The following ITPR2 variants were observed in gnomAD, a reference collection of about 807,000 sequenced individuals.
ITPR2 encodes inositol 1,4,5-trisphosphate receptor type 2.
In ITPR2, 207 loss-of-function variants were observed where a neutral mutation model predicts 317.1. That is an observed-to-expected ratio of 0.65 (90% CI 0.58 to 0.73). ITPR2 has a LOEUF of 0.73. Among genes scored for constraint, ITPR2 ranks in the 30% least tolerant of loss-of-function variants. ITPR2 has a pLI of 0.00. For synonymous variants in ITPR2, 1,156 were observed against 1,149.1 expected, an observed-to-expected ratio of 1.01 and a Z score of -0.12; for missense variants, 2,613 against 3,284.0, an observed-to-expected ratio of 0.80 and a Z score of 4.99.
chr12:26,569,631 T>C (rs1266517465), intron 34 of ITPR2, among the ~76,000 whole-genome samples: 1 of 150,630 alleles, frequency 6.6e-6, no homozygotes, highest in Non-Finnish European at 1.5e-5. Flanking sequence ...TTCTTAAAAA[T>C]GGTTACACAA....
chr12:26,578,186 C>A (rs1278573031), intron 34 of ITPR2, among the ~76,000 whole-genome samples: 1 of 146,488 alleles, frequency 6.8e-6, no homozygotes, highest in African/African-American at 2.4e-5. Context: ...CTCTCTCTCT[C>A]TCTCTCTCGA....
intron 48 of ITPR2, among the ~76,000 whole-genome samples, chr12:26,435,725 T>C (rs560283601): frequency 1.3e-5 from 2 of 152,308 alleles, no homozygotes; most frequent in South Asian, 4.1e-4. Flanking sequence ...CTGTTCACTT[T>C]TGAAACCTCA....
chr12:26,517,719 T>A (rs1363572520), intron 37 of ITPR2, among the ~76,000 whole-genome samples: 1 of 152,082 alleles, frequency 6.6e-6, no homozygotes, highest in African/African-American at 2.4e-5. Flanking sequence ...CTGCCTGTAA[T>A]CCCAGCTACT....
intron 34 of ITPR2, among the ~76,000 whole-genome samples, chr12:26,576,372 T>C (rs538671309): frequency 1.4e-4 from 21 of 152,328 alleles, no homozygotes; most frequent in African/African-American, 4.8e-4. Context: ...TTACGTTCTC[T>C]TTCTTTATTT....
chr12:26,742,488 T>C (rs983812638), intron 2 of ITPR2, among the ~76,000 whole-genome samples: 3 of 152,150 alleles, frequency 2.0e-5, no homozygotes, highest in Admixed American at 6.5e-5. Context: ...AAATATGATA[T>C]ATCCACATCT....
At chr12:26,394,364 G>C (rs116147276) in intron 54 of ITPR2, among the ~76,000 whole-genome samples, 101 of 152,332 alleles carry the variant, frequency 6.6e-4, no homozygotes, top group African/African-American at 2.4e-3. Flanking sequence ...AGTGTGATGT[G>C]AGGAATTTAG....
At chr12:26,824,728 A>C (rs572078085) in intron 1 of ITPR2, among the ~76,000 whole-genome samples, 30 of 152,354 alleles carry the variant, frequency 2.0e-4, no homozygotes, top group South Asian at 4.1e-4. Flanking sequence ...AATTGAAATT[A>C]AAATCATCTA....
chr12:26,775,349 G>C (rs373701215), intron 2 of ITPR2, among the ~76,000 whole-genome samples: 1 of 151,962 alleles, frequency 6.6e-6, no homozygotes, highest in Non-Finnish European at 1.5e-5. Context: ...AGTTTATTAG[G>C]CTAAAACAAA....
chr12:26,545,838 A>C (rs886461646), intron 37 of ITPR2, among the ~76,000 whole-genome samples: 1 of 152,192 alleles, frequency 6.6e-6, no homozygotes, highest in African/African-American at 2.4e-5. Flanking sequence ...AGAAGGACCA[A>C]TGGACAAAAT....
chr12:26,655,654 T>A, intron 20 of ITPR2, 54 bp downstream of exon 20: 1 of 1,357,084 alleles, frequency 7.4e-7, no homozygotes, highest in Non-Finnish European at 1.0e-6. Flanking sequence ...AATACCTTCA[T>A]GAACTAAACT....
At position 26,830,739 on chromosome 12, in the gene ITPR2, C is replaced by T. The variant is rs112115351; in HGVS notation, c.92+1951G>A. Among the ~76,000 whole-genome samples, 1,081 of 152,334 alleles carry T rather than the reference C, an allele frequency of 7.1e-3. 8 individuals carry two copies. The highest frequency in any genetic ancestry group is 0.024 in the African/African-American group (1,007 of 41,570). On this transcript the variant is annotated intron_variant, in intron 1 of 56. Transcript: ENST00000381340. Reference sequence around the variant, plus strand: ...TTCTTTTCTTTGTCTAGGTTTTATACTCTATTCCTAGTCCTTGTTATTATT... The same window carrying T: ...TTCTTTTCTTTGTCTAGGTTTTATATTCTATTCCTAGTCCTTGTTATTATT...
chr12:26,691,949 G>A (rs961019840), intron 10 of ITPR2, among the ~76,000 whole-genome samples: 5 of 151,920 alleles, frequency 3.3e-5, no homozygotes, highest in Non-Finnish European at 5.9e-5. Context: ...TTCTCTTGCC[G>A]AGGTTCCTTA....
At chr12:26,714,382 T>G (rs1317124704) in intron 8 of ITPR2, among the ~76,000 whole-genome samples, 1 of 152,196 alleles carries the variant, frequency 6.6e-6, no homozygotes, top group Admixed American at 6.5e-5. Context: ...CTTTAACCAC[T>G]TCTCTCAAAT....
chr12:26,625,329 A>G (rs1946597437), intron 23 of ITPR2, among the ~76,000 whole-genome samples: 1 of 152,170 alleles, frequency 6.6e-6, no homozygotes, highest in Admixed American at 6.5e-5. Flanking sequence ...CTAAATGACT[A>G]TAATTGGATT....
chr12:26,424,815 A>G (rs1941007969), intron 49 of ITPR2, among the ~76,000 whole-genome samples: 1 of 152,040 alleles, frequency 6.6e-6, no homozygotes, highest in Non-Finnish European at 1.5e-5. Flanking sequence ...GCAGTAGTGC[A>G]GTGGCCTGAT....
chr12:26,576,513 G>A (rs536313175), intron 34 of ITPR2, among the ~76,000 whole-genome samples: 21 of 152,260 alleles, frequency 1.4e-4, no homozygotes, highest in Admixed American at 9.8e-4. Flanking sequence ...GGAGCGCAGC[G>A]CAGTAAGTGT....
chr12:26,442,465 A>G (rs1941508891), intron 46 of ITPR2, among the ~76,000 whole-genome samples: 1 of 152,074 alleles, frequency 6.6e-6, no homozygotes, highest in Non-Finnish European at 1.5e-5. Flanking sequence ...AACAGCTCCC[A>G]TCTCTCACCC....
At chr12:26,391,534 T>G (rs1229877452) in intron 54 of ITPR2, among the ~76,000 whole-genome samples, 2 of 140,722 alleles carry the variant, frequency 1.4e-5, no homozygotes, top group Non-Finnish European at 3.1e-5. Flanking sequence ...TCTGAAAGCT[T>G]CTTCTTCTTC....
At chr12:26,579,189 T>C (rs980813729) in intron 33 of ITPR2, among the ~76,000 whole-genome samples, 2 of 152,178 alleles carry the variant, frequency 1.3e-5, no homozygotes, top group Non-Finnish European at 2.9e-5. Flanking sequence ...TTTGGTTTCA[T>C]ATGATGGGCA....
Sources: gnomAD v4.1 joint callset for allele counts (sites outside exome capture counted in the v4.1 genomes callset) on GRCh38, gnomAD v4.1.1 for gene constraint, MANE v1.5 for transcripts, NCBI Gene and HGNC (gene_info 2026-07-23, HGNC 2026-07-21) for gene names.